Variants in CHRNA7 observed in about 807,000 individuals in gnomAD.
CHRNA7 encodes cholinergic receptor nicotinic alpha 7 subunit, also known as neuronal acetylcholine receptor subunit alpha-7.
Under a neutral mutation model 48.0 loss-of-function variants are expected in CHRNA7, and 17 were observed. That is an observed-to-expected ratio of 0.35 (90% CI 0.24 to 0.53). The LOEUF (loss-of-function observed/expected upper bound fraction) is 0.53. CHRNA7 is among the 20% of genes least tolerant of loss of function. The probability of loss-of-function intolerance (pLI) is 0.92; values close to 1 mark genes in which losing one functional copy is unlikely to be tolerated. For synonymous variants in CHRNA7, 75 were observed against 242.3 expected, an observed-to-expected ratio of 0.31 and a Z score of 6.41; for missense variants, 155 against 577.7, an observed-to-expected ratio of 0.27 and a Z score of 7.50.
intron 2 of CHRNA7, 134 bp downstream of exon 2, chr15:32,031,171 G>A: frequency 1.9e-6 from 2 of 1,038,118 alleles, no homozygotes; most frequent in Non-Finnish European, 2.8e-6. Flanking sequence ...GCAGGGCCAT[G>A]CTCTGAGTCT....
intron 2 of CHRNA7, among the ~76,000 whole-genome samples, chr15:32,040,034 A>G (rs2049418555): frequency 6.6e-6 from 1 of 152,052 alleles, no homozygotes; most frequent in Non-Finnish European, 1.5e-5. Context: ...CCTTGCTTTG[A>G]AGTACGCTCT....
At chr15:32,108,018 A>AC (rs2050699311) in intron 3 of CHRNA7, among the ~76,000 whole-genome samples, 1 of 151,908 alleles carries the variant, frequency 6.6e-6, no homozygotes, top group African/African-American at 2.4e-5. Context: ...TTCTTATTAT[A>AC]CCATAATGTA....
chr15:32,064,027 A>G (rs990060214), intron 2 of CHRNA7, among the ~76,000 whole-genome samples: 2 of 152,150 alleles, frequency 1.3e-5, no homozygotes, highest in Admixed American at 1.3e-4. Flanking sequence ...ACACTTGATG[A>G]ATAGTGTGGC....
chr15:32,046,787 GT>G (rs1320594411), intron 2 of CHRNA7, among the ~76,000 whole-genome samples: 1 of 151,896 alleles, frequency 6.6e-6, no homozygotes, highest in Non-Finnish European at 1.5e-5. Context: ...TTCTTCTAGG[GT>G]TTTTATGGTT....
chr15:32,030,596 T>TG lies in CHRNA7; in HGVS notation c.3dup (p.Arg2_?1). 1 of 1,550,666 alleles carries TG rather than the reference T, an allele frequency of 6.4e-7. No homozygotes were observed. The highest frequency in any genetic ancestry group is 8.7e-7 in the Non-Finnish European group (1 of 1,155,892). The stretch of plus-strand genomic sequence containing the variant: ...CTCGCTGCAGCTCCGGGACTCAACA[T>TG]GCGCTGCTCGCCGGGAGGCGTCTGG... On this transcript the variant is annotated frameshift_variant and start_lost, in exon 1 of 10. Transcript: ENST00000306901. LOFTEE classifies it high-confidence loss of function.
intron 2 of CHRNA7, among the ~76,000 whole-genome samples, chr15:32,058,151 T>C (rs1259969491): frequency 6.6e-6 from 1 of 152,168 alleles, no homozygotes; most frequent in African/African-American, 2.4e-5. Flanking sequence ...TATCATGCTG[T>C]TGAAGATGAT....
chr15:32,127,573 T>C (rs1407861172), intron 4 of CHRNA7, among the ~76,000 whole-genome samples: 1 of 152,154 alleles, frequency 6.6e-6, no homozygotes, highest in Non-Finnish European at 1.5e-5. Flanking sequence ...TCTTACTATG[T>C]GGTGGTTCGT....
intron 2 of CHRNA7, among the ~76,000 whole-genome samples, chr15:32,071,453 A>G (rs760494993): frequency 1.4e-4 from 21 of 152,242 alleles, no homozygotes; most frequent in South Asian, 4.2e-4. Context: ...GTAATTTTCA[A>G]TATACAAGTC....
chr15:32,145,459 A>G (rs1435213260), intron 4 of CHRNA7, among the ~76,000 whole-genome samples: 2 of 152,220 alleles, frequency 1.3e-5, no homozygotes, highest in African/African-American at 4.8e-5. Context: ...CAGAGGTGTC[A>G]GACAGAGATG....
intron 4 of CHRNA7, among the ~76,000 whole-genome samples, chr15:32,124,299 A>G (rs982414095): frequency 6.6e-6 from 1 of 152,202 alleles, no homozygotes; most frequent in Non-Finnish European, 1.5e-5. Flanking sequence ...GACAAAATGA[A>G]TATTTTATAT....
At chr15:32,075,331 G>T (rs376564140) in intron 2 of CHRNA7, among the ~76,000 whole-genome samples, 1 of 152,256 alleles carries the variant, frequency 6.6e-6, no homozygotes, top group African/African-American at 2.4e-5. Flanking sequence ...TCTGGGCTTA[G>T]AGACTTTATT....
At chr15:32,069,989 T>C (rs1324492681) in intron 2 of CHRNA7, among the ~76,000 whole-genome samples, 1 of 152,218 alleles carries the variant, frequency 6.6e-6, no homozygotes, top group African/African-American at 2.4e-5. Context: ...CCACTAGATT[T>C]ATCTCAATTG....
At chr15:32,077,654 G>A (rs1391662715) in intron 2 of CHRNA7, among the ~76,000 whole-genome samples, 1 of 152,160 alleles carries the variant, frequency 6.6e-6, no homozygotes, top group Non-Finnish European at 1.5e-5. Flanking sequence ...GAATACCTGA[G>A]GCTGGGTAAT....
At chr15:32,101,380 G>T (rs201136574) in intron 3 of CHRNA7, 33 bp downstream of exon 3, 5 of 1,566,296 alleles carry the variant, frequency 3.2e-6, no homozygotes, top group Non-Finnish European at 4.3e-6. Flanking sequence ...TCTCCCATGG[G>T]CTGCAAGATC....
At chr15:32,108,862 G>C (rs2050716342) in intron 3 of CHRNA7, among the ~76,000 whole-genome samples, 1 of 152,198 alleles carries the variant, frequency 6.6e-6, no homozygotes, top group Non-Finnish European at 1.5e-5. Context: ...GTACATGTAA[G>C]GAAACTGCAG....
intron 4 of CHRNA7, among the ~76,000 whole-genome samples, chr15:32,148,818 G>C (rs372674571): frequency 2.6e-5 from 4 of 152,180 alleles, no homozygotes; most frequent in Non-Finnish European, 4.4e-5. Flanking sequence ...AGCCTCCTTC[G>C]TTCTGGCTTA....
chr15:32,139,627 T>G (rs1346121970), intron 4 of CHRNA7, among the ~76,000 whole-genome samples: 5 of 152,054 alleles, frequency 3.3e-5, no homozygotes, highest in African/African-American at 1.2e-4. Context: ...GTGGAACATA[T>G]TTCTATGTGC....
chr15:32,132,185 C>G (rs746171707), intron 4 of CHRNA7, among the ~76,000 whole-genome samples: 3 of 152,148 alleles, frequency 2.0e-5, no homozygotes, highest in Non-Finnish European at 2.9e-5. Flanking sequence ...TAGACACGGT[C>G]CAGCTGTCAG....
chr15:32,140,270 G>T (rs2051354120), intron 4 of CHRNA7, among the ~76,000 whole-genome samples: 1 of 152,180 alleles, frequency 6.6e-6, no homozygotes, highest in Non-Finnish European at 1.5e-5. Context: ...TTTTATGGCT[G>T]CATAGTACTC....
Sources: allele counts gnomAD v4.1 joint callset (sites outside exome capture counted in the v4.1 genomes callset), GRCh38; gene constraint gnomAD v4.1.1; transcripts MANE v1.5; gene names NCBI Gene and HGNC (gene_info 2026-07-23, HGNC 2026-07-21).